The following CNTNAP2 variants were observed in gnomAD, a reference collection of about 807,000 sequenced individuals.
CNTNAP2 encodes contactin-associated protein-like 2.
Under a neutral mutation model 155.2 loss-of-function variants are expected in CNTNAP2, and 98 were observed. That is an observed-to-expected ratio of 0.63 (90% CI 0.54 to 0.75). The LOEUF (loss-of-function observed/expected upper bound fraction) is 0.75, where lower values mean the gene tolerates loss of function less well. Ranked by LOEUF, CNTNAP2 falls within the 30% of genes least tolerant of loss-of-function variation. The pLI is 0.00. For synonymous variants in CNTNAP2, 651 were observed against 631.2 expected (o/e 1.03, Z -0.47); for missense variants, 1,727 against 1,688.1 (o/e 1.02, Z -0.40).
intron 1 of CNTNAP2, among the ~76,000 whole-genome samples, chr7:146,410,067 A>G (rs2129110727): frequency 1.3e-5 from 2 of 152,288 alleles, no homozygotes; most frequent in South Asian, 4.1e-4. Context: ...TAAAGTATCT[A>G]TTCCAACTCC....
chr7:146,856,889 G>A (rs1172741214), intron 3 of CNTNAP2, among the ~76,000 whole-genome samples: 1 of 152,104 alleles, frequency 6.6e-6, no homozygotes. Context: ...AAAAGGCTAA[G>A]GAGTTATTCT....
chr7:146,597,890 T>C (rs1798887176), intron 1 of CNTNAP2, among the ~76,000 whole-genome samples: 1 of 152,110 alleles, frequency 6.6e-6, no homozygotes, highest in Non-Finnish European at 1.5e-5. Flanking sequence ...TCCTCTCTAC[T>C]CCGAACCTCT....
At chr7:148,065,594 T>C (rs1188470793) in intron 15 of CNTNAP2, among the ~76,000 whole-genome samples, 2 of 152,230 alleles carry the variant, frequency 1.3e-5, no homozygotes, top group South Asian at 2.1e-4. Flanking sequence ...TTGTCTGATA[T>C]ATGAATAGCT....
intron 9 of CNTNAP2, among the ~76,000 whole-genome samples, chr7:147,373,041 C>G (rs919543729): frequency 6.6e-6 from 1 of 152,088 alleles, no homozygotes; most frequent in African/African-American, 2.4e-5. Flanking sequence ...ATCGTACCGT[C>G]CAGGGACACA....
chr7:147,673,666 G>C (rs568496426), intron 13 of CNTNAP2, among the ~76,000 whole-genome samples: 4 of 152,164 alleles, frequency 2.6e-5, no homozygotes, highest in Admixed American at 2.6e-4. Context: ...GTAACACTCT[G>C]GTGGTACTAA....
intron 2 of CNTNAP2, among the ~76,000 whole-genome samples, chr7:146,828,047 A>C (rs1803440453): frequency 6.6e-6 from 1 of 152,134 alleles, no homozygotes; most frequent in African/African-American, 2.4e-5. Context: ...TAAATGAATA[A>C]ATTGGATTCT....
At chr7:146,186,516 A>G (rs1298177689) in intron 1 of CNTNAP2, among the ~76,000 whole-genome samples, 3 of 152,170 alleles carry the variant, frequency 2.0e-5, no homozygotes, top group African/African-American at 7.2e-5. Context: ...ATTCAATTGA[A>G]TCTGTACTTT....
rs1321566804 is a variant in CNTNAP2 at position 148,418,565 on chromosome 7, CTT to C, written c.*2951_*2952del. ...TGTTTTGAAAAAAGCTAGGAGATGA[CTT>C]TGAATGAATGCAAGGTTAGTGAGAT... On this transcript the variant is annotated 3_prime_UTR_variant, in exon 24 of 24. Coordinates refer to ENST00000361727, the MANE Select transcript of CNTNAP2 (RefSeq NM_014141.6). The C allele has an allele frequency of 5.8e-4, 88 of 152,250 alleles. 1 individual carries two copies. Among genetic ancestry groups the C allele is most frequent in the African/African-American group, 2.0e-3 (82 of 41,536 alleles). 9.4% of individuals were successfully genotyped at this position (152,250 alleles called of 1,614,324 possible).
chr7:146,212,307 G>A (rs1024706139), intron 1 of CNTNAP2, among the ~76,000 whole-genome samples: 6 of 152,088 alleles, frequency 3.9e-5, no homozygotes, highest in Non-Finnish European at 5.9e-5. Flanking sequence ...AATGTGGATG[G>A]AAGACGTAGC....
chr7:147,289,313 C>T (rs1805249600), intron 8 of CNTNAP2, among the ~76,000 whole-genome samples: 1 of 151,980 alleles, frequency 6.6e-6, no homozygotes, highest in Non-Finnish European at 1.5e-5. Context: ...AATCAATAGT[C>T]AGATGAATTA....
intron 13 of CNTNAP2, among the ~76,000 whole-genome samples, chr7:147,699,114 C>T (rs1250156059): frequency 6.6e-6 from 1 of 151,036 alleles, no homozygotes; most frequent in East Asian, 1.9e-4. Flanking sequence ...ATGCTTATAA[C>T]TTAATGTTTA....
chr7:148,006,906 T>C (rs1801993219), intron 15 of CNTNAP2, among the ~76,000 whole-genome samples: 1 of 152,206 alleles, frequency 6.6e-6, no homozygotes, highest in African/African-American at 2.4e-5. Flanking sequence ...TTGCACTTCA[T>C]GGGAATATAT....
rs112138716 is a variant in CNTNAP2 at position 146,141,533 on chromosome 7, G to A, written c.97+24560G>A. ...CATTTTCTTTAACATTTGTATATAA[G>A]TGTTCTATATTTAAATAACAATTAC... On this transcript the variant is annotated intron_variant, in intron 1 of 23. Coordinates refer to ENST00000361727, the MANE Select transcript of CNTNAP2 (RefSeq NM_014141.6). Among the ~76,000 whole-genome samples, 1,386 of 152,122 alleles carry A rather than the reference G, an allele frequency of 9.1e-3. 27 individuals carry two copies. Among genetic ancestry groups the A allele is most frequent in the South Asian group, 0.078 (375 of 4,818 alleles).
chr7:147,309,786 G>A lies in CNTNAP2; in HGVS notation c.1498+9496G>A, dbSNP rs927477098. Among the ~76,000 whole-genome samples the A allele has an allele frequency of 2.6e-5, 4 of 151,928 alleles. No individual in the cohort carries two copies. In the South Asian group the frequency reaches 8.3e-4, roughly 32 times the overall value. On this transcript the variant is annotated intron_variant, in intron 9 of 23. Transcript: ENST00000361727. Reference sequence around the variant, plus strand: ...TACATGTATAGGGTTTTCTATATAGGTAAATTATGTCTCATGGGGGTTTGA... The same window carrying A: ...TACATGTATAGGGTTTTCTATATAGATAAATTATGTCTCATGGGGGTTTGA...
At chr7:147,293,585 CCA>C (rs1452494609) in intron 8 of CNTNAP2, among the ~76,000 whole-genome samples, 1 of 152,082 alleles carries the variant, frequency 6.6e-6, no homozygotes, top group Admixed American at 6.5e-5. Context: ...ACTGAAAACT[CCA>C]GTCACTGTAA....
Position 148,062,008 on chromosome 7 carries a change from TGATAGAG to T in CNTNAP2, c.2384-56109_2384-56103del, listed in dbSNP as rs1563185645. Among the ~76,000 whole-genome samples the T allele has an allele frequency of 5.7e-4, 45 of 78,618 alleles. 1 individual carries two copies. The highest frequency in any genetic ancestry group is 7.7e-4 in the Non-Finnish European group (32 of 41,414). The allele number at this position is 78,618 out of a possible 152,430, so 51.6% of individuals were successfully genotyped here. On this transcript the variant is annotated intron_variant, in intron 15 of 23. Coordinates refer to ENST00000361727, the MANE Select transcript of CNTNAP2 (RefSeq NM_014141.6). ...ATAGATAGATAGATAGATAGATAGATGATAGAGAGAGAGAGAGAGAGTGTGTGTGTGT... is the reference window on the plus strand; with the variant it reads ...ATAGATAGATAGATAGATAGATAGATAGAGAGAGAGAGAGTGTGTGTGTGT...
intron 11 of CNTNAP2, among the ~76,000 whole-genome samples, chr7:147,506,014 C>G (rs1798899699): frequency 6.6e-6 from 1 of 152,086 alleles, no homozygotes; most frequent in Admixed American, 6.6e-5. Context: ...CTGGGGTGAA[C>G]AGTTGTAAAA....
At chr7:147,992,965 T>G (rs1585066842) in intron 15 of CNTNAP2, among the ~76,000 whole-genome samples, 1 of 152,246 alleles carries the variant, frequency 6.6e-6, no homozygotes, top group Non-Finnish European at 1.5e-5. Flanking sequence ...TATATTATAC[T>G]GAATAGGATA....
intron 1 of CNTNAP2, among the ~76,000 whole-genome samples, chr7:146,549,793 A>G (rs914298776): frequency 1.3e-5 from 2 of 152,048 alleles, no homozygotes; most frequent in African/African-American, 4.8e-5. Flanking sequence ...TCAATAGGTA[A>G]AACCATCATT....
Sources: gnomAD v4.1 joint callset for allele counts (sites outside exome capture counted in the v4.1 genomes callset) on GRCh38, gnomAD v4.1.1 for gene constraint, MANE v1.5 for transcripts, NCBI Gene and HGNC (gene_info 2026-07-23, HGNC 2026-07-21) for gene names.